MGAT4C: variants seen among roughly 807,000 people sequenced by gnomAD.
The protein encoded by MGAT4C is MGAT4 family member C, also known as alpha-1,3-mannosyl-glycoprotein 4-beta-N-acetylglucosaminyltransferase C.
In MGAT4C, 19 loss-of-function variants were observed where a neutral mutation model predicts 40.1. That is an observed-to-expected ratio of 0.47 (90% CI 0.33 to 0.70). The LOEUF (loss-of-function observed/expected upper bound fraction) is 0.70. Ranked by LOEUF, MGAT4C falls within the 30% of genes least tolerant of loss-of-function variation. The pLI is 0.02. For synonymous variants in MGAT4C, 181 were observed against 187.1 expected, an observed-to-expected ratio of 0.97 and a Z score of 0.27; for missense variants, 491 against 563.2, an observed-to-expected ratio of 0.87 and a Z score of 1.30.
intron 1 of MGAT4C, among the ~76,000 whole-genome samples, chr12:86,081,948 A>G (rs909633321): frequency 1.3e-5 from 2 of 152,148 alleles, no homozygotes; most frequent in Non-Finnish European, 2.9e-5. Flanking sequence ...CCTCCATGTC[A>G]CTAGAGAATG....
chr12:86,171,823 A>G (rs531828954), intron 1 of MGAT4C, among the ~76,000 whole-genome samples: 51 of 152,190 alleles, frequency 3.4e-4, no homozygotes, highest in Admixed American at 7.2e-4. Context: ...GGATGAATGA[A>G]TCCACATTTC....
intron 2 of MGAT4C, among the ~76,000 whole-genome samples, chr12:86,047,232 C>T (rs181405239): frequency 3.9e-5 from 6 of 152,104 alleles, no homozygotes; most frequent in East Asian, 3.9e-4. Flanking sequence ...ATTTTTTCTT[C>T]GTGACTGTCC....
chr12:86,092,435 G>T (rs1873051715), intron 1 of MGAT4C, among the ~76,000 whole-genome samples: 1 of 151,804 alleles, frequency 6.6e-6, no homozygotes, highest in Admixed American at 6.6e-5. Context: ...TTTATCTGAG[G>T]CCCAGAGGGT....
At chr12:86,758,246 G>T (rs553959296) in intron 1 of MGAT4C, among the ~76,000 whole-genome samples, 1 of 151,912 alleles carries the variant, frequency 6.6e-6, no homozygotes, top group Admixed American at 6.6e-5. Flanking sequence ...TACCACTAAA[G>T]GTTTTACTAG....
At chr12:86,743,241 C>G (rs1248123354) in intron 1 of MGAT4C, among the ~76,000 whole-genome samples, 1 of 149,322 alleles carries the variant, frequency 6.7e-6, no homozygotes, top group Non-Finnish European at 1.5e-5. Context: ...CATTTCTTCA[C>G]AAAGAACTAG....
intron 2 of MGAT4C, among the ~76,000 whole-genome samples, chr12:86,569,869 T>C (rs1013773988): frequency 6.6e-6 from 1 of 152,106 alleles, no homozygotes; most frequent in Non-Finnish European, 1.5e-5. Context: ...TTAAGAAAGA[T>C]AGAAATCCTA....
At chr12:86,552,229 C>G (rs1435952369) in intron 2 of MGAT4C, among the ~76,000 whole-genome samples, 1 of 151,824 alleles carries the variant, frequency 6.6e-6, no homozygotes, top group African/African-American at 2.4e-5. Context: ...ATTTTTATTA[C>G]TCACTTAACG....
In MGAT4C at chr12:86,556,065, T is replaced by C. The variant is rs148053539; in HGVS notation, c.-228-120800A>G. ...CAAGTCTATAATTCTTTTTGTTACA[T>C]ATAAAGACAACAAACTTGCTCTTCA... On this transcript the variant is annotated intron_variant, in intron 2 of 7. Transcript: ENST00000548651. 2.0e-3 allele frequency among the ~76,000 whole-genome samples: 312 copies of C among 152,360 alleles called. 2 individuals carry two copies. Among genetic ancestry groups the C allele is most frequent in the African/African-American group, 7.2e-3 (301 of 41,596 alleles).
intron 2 of MGAT4C, among the ~76,000 whole-genome samples, chr12:86,629,307 G>T (rs1442207538): frequency 6.6e-6 from 1 of 152,082 alleles, no homozygotes; most frequent in African/African-American, 2.4e-5. Flanking sequence ...AGTATAGGGA[G>T]AATTTAACAC....
chr12:86,342,929 T>C (rs765107844), intron 3 of MGAT4C, among the ~76,000 whole-genome samples: 2 of 152,120 alleles, frequency 1.3e-5, no homozygotes, highest in Admixed American at 6.5e-5. Flanking sequence ...TTACATGTTG[T>C]TTTCCTCATC....
intron 1 of MGAT4C, among the ~76,000 whole-genome samples, chr12:86,164,755 G>A (rs1231237076): frequency 3.3e-5 from 5 of 152,164 alleles, no homozygotes; most frequent in East Asian, 3.9e-4. Context: ...AAATGCTACT[G>A]TTGCAGAGTG....
chr12:85,983,256 T>A (rs76909597), intron 4 of MGAT4C, among the ~76,000 whole-genome samples: 3,364 of 152,280 alleles, frequency 0.022, 106 homozygotes, highest in African/African-American at 0.077. Context: ...TAAATTGATT[T>A]TTTTCTAGTC....
chr12:86,172,797 G>T (rs1472490665), intron 1 of MGAT4C, among the ~76,000 whole-genome samples: 1 of 152,006 alleles, frequency 6.6e-6, no homozygotes, highest in African/African-American at 2.4e-5. Context: ...ACAAAAATGA[G>T]ATCACTTCTA....
At chr12:86,504,244 A>G (rs1269557167) in intron 2 of MGAT4C, among the ~76,000 whole-genome samples, 1 of 152,090 alleles carries the variant, frequency 6.6e-6, no homozygotes, top group African/African-American at 2.4e-5. Context: ...TATCTGCTGG[A>G]GCTGAAAATG....
intron 2 of MGAT4C, among the ~76,000 whole-genome samples, chr12:86,588,279 A>T (rs1204337551): frequency 1.3e-5 from 2 of 152,014 alleles, no homozygotes; most frequent in Non-Finnish European, 2.9e-5. Context: ...CAGACTTTAA[A>T]CCAAAAAAGA....
chr12:86,101,737 A>G (rs1875102634), intron 1 of MGAT4C, among the ~76,000 whole-genome samples: 1 of 151,872 alleles, frequency 6.6e-6, no homozygotes, highest in Admixed American at 6.6e-5. Context: ...TAGCAGAGAT[A>G]TGATTTAGTC....
At chr12:85,989,379 C>A in intron 3 of MGAT4C, 21 bp downstream of exon 3, 1 of 1,546,608 alleles carries the variant, frequency 6.5e-7, no homozygotes. Context: ...GAAGAAAAGA[C>A]AATCAACCTC....
In MGAT4C at chr12:86,255,746, C is replaced by T. The variant is rs56265600; in HGVS notation, c.-57+493G>A. On this transcript the variant is annotated intron_variant, in intron 1 of 4. Transcript: ENST00000611864. ...TATTTCAGAAGCCAGAGCCTTTGCTCACTTGGTAAACTTTGTTTTCCCTGT... is the reference window on the plus strand; with the variant it reads ...TATTTCAGAAGCCAGAGCCTTTGCTTACTTGGTAAACTTTGTTTTCCCTGT... Among the ~76,000 whole-genome samples the T allele has an allele frequency of 8.1e-3, 1,235 of 152,178 alleles. 8 individuals carry two copies. The highest frequency in any genetic ancestry group is 0.013 in the Non-Finnish European group (913 of 67,982).
intron 3 of MGAT4C, among the ~76,000 whole-genome samples, chr12:86,345,041 T>TCCTTC (rs1310263726): frequency 6.6e-6 from 1 of 151,424 alleles, no homozygotes; most frequent in Admixed American, 6.6e-5. Flanking sequence ...TTTAATGTGT[T>TCCTTC]CCTTTTTTAT....
Sources: gnomAD v4.1 joint callset for allele counts (sites outside exome capture counted in the v4.1 genomes callset) on GRCh38, gnomAD v4.1.1 for gene constraint, MANE v1.5 for transcripts, NCBI Gene and HGNC (gene_info 2026-07-23, HGNC 2026-07-21) for gene names.